The following DNAJA4 variants were observed in gnomAD, a reference collection of about 807,000 sequenced individuals.
The protein encoded by DNAJA4 is dnaJ homolog subfamily A member 4.
A neutral mutation model predicts 39.7 loss-of-function variants in DNAJA4; 32 were observed. The ratio of observed to expected loss-of-function variants is 0.81; its 90% CI spans 0.61 to 1.08. The LOEUF is 1.08. Ranked by LOEUF, DNAJA4 falls within the 50% of genes least tolerant of loss-of-function variation. DNAJA4 has a pLI of 0.00. For missense variants in DNAJA4, 439 were observed against 505.1 expected (o/e 0.87, Z 1.25); for synonymous variants, 184 against 182.4 (o/e 1.01, Z -0.07).
chr15:78,278,905 G>A (rs1445837026), intron 5 of DNAJA4, among the ~76,000 whole-genome samples: 8 of 139,346 alleles, frequency 5.7e-5, no homozygotes, highest in African/African-American at 2.2e-4. Flanking sequence ...TCCTGACCTC[G>A]TGATCCGCCC....
chr15:78,275,170 C>T, intron 4 of DNAJA4: 1 of 327,996 alleles, frequency 3.0e-6, no homozygotes, highest in Non-Finnish European at 5.7e-6. Context: ...AAGTCATGCA[C>T]CCTGTGCCCC....
chr15:78,264,424 C>T (rs946395281), upstream of DNAJA4: 2 of 1,359,368 alleles, frequency 1.5e-6, no homozygotes, highest in Non-Finnish European at 1.9e-6. Context: ...GGACGGGCGT[C>T]GGGGGTCTGG....
At chr15:78,271,076 A>AAAT (rs2049282652) in intron 2 of DNAJA4, among the ~76,000 whole-genome samples, 2 of 151,698 alleles carry the variant, frequency 1.3e-5, no homozygotes, top group Non-Finnish European at 2.9e-5. Context: ...CAAACAAAAA[A>AAAT]CCCCACCAGG....
At chr15:78,271,921 G>A (rs896244997) in intron 2 of DNAJA4, among the ~76,000 whole-genome samples, 3 of 152,170 alleles carry the variant, frequency 2.0e-5, no homozygotes, top group Non-Finnish European at 4.4e-5. Flanking sequence ...AGCTGCACTT[G>A]TTATCACATT....
chr15:78,276,778 G>A (rs1329292590), intron 5 of DNAJA4, among the ~76,000 whole-genome samples: 1 of 152,232 alleles, frequency 6.6e-6, no homozygotes, highest in Non-Finnish European at 1.5e-5. Flanking sequence ...CAGGCAGGGA[G>A]GTAACCACCA....
intron 5 of DNAJA4, among the ~76,000 whole-genome samples, chr15:78,278,944 C>T (rs1202301121): frequency 2.0e-5 from 3 of 147,278 alleles, no homozygotes; most frequent in African/African-American, 7.6e-5. Context: ...GCTGGGATTA[C>T]AGGCGTGAGC....
At position 78,275,526 on chromosome 15, in the gene DNAJA4, T is replaced by C. The variant is rs199939846; in HGVS notation, c.675T>C (p.Phe225=). The C allele has an allele frequency of 3.1e-6, 5 of 1,613,992 alleles. No homozygotes were observed. The East Asian group carries it at 1.1e-4, about 36-fold the overall frequency. Residue 225 remains phenylalanine (F), a synonymous_variant, in exon 5 of 7, where the codon TTT becomes TTC. Coordinates refer to ENST00000394852, the MANE Select transcript of DNAJA4 (RefSeq NM_001130182.2). Reference sequence around the variant, plus strand: ...TGAAAGATGGGCAAAAGATACTATTTCATGGAGAAGGAGATCAGGAGCCTG... The same window carrying C: ...TGAAAGATGGGCAAAAGATACTATTCCATGGAGAAGGAGATCAGGAGCCTG... ...KGMKDGQKIL[F]HGEGDQEPEL...
At chr15:78,265,098 A>G (rs529717202) in intron 1 of DNAJA4, among the ~76,000 whole-genome samples, 1 of 152,222 alleles carries the variant, frequency 6.6e-6, no homozygotes, top group South Asian at 2.1e-4. Flanking sequence ...CCCGCGGAGG[A>G]GGCATGTGGT....
Position 78,264,880 on chromosome 15 carries a change from G to A in DNAJA4, c.117G>A (p.Pro39=). The change falls in exon 1 of 7, where the codon CCG becomes CCA. Residue 39 remains proline (P), a synonymous_variant. Transcript: ENST00000394852. ...TCAAGTACCACCCGGACAAGAACCC[G>A]GATGAGGGCGAGAAGGTGCGGGGCG... ...LALKYHPDKN[P]DEGEKFKLIS... The A allele has an allele frequency of 1.2e-6, 2 of 1,600,996 alleles. No homozygotes were observed. The highest frequency in any genetic ancestry group is 4.5e-5 in the East Asian group (2 of 43,986).
At chr15:78,275,004 C>T in intron 4 of DNAJA4, 1 of 174,240 alleles carries the variant, frequency 5.7e-6, no homozygotes, top group Admixed American at 5.5e-5. Context: ...TATCCTAGAT[C>T]AGAGATGAGA....
In DNAJA4 at chr15:78,270,656, C is replaced by G. The variant is rs779468072; in HGVS notation, c.292C>G (p.Arg98Gly). The change falls in exon 2 of 7, where the codon CGG (arginine) becomes GGG (glycine). Residue 98 changes from arginine (R) to glycine (G), a missense_variant. Physicochemically the swap from Arg to Gly is moderately radical, Grantham distance 125. Transcript: ENST00000394852. ...TGACATGTTCTTTGGTGGTGGTGGA[C>G]GGATGGCTAGAGAGAGAAGAGGTAA... is the stretch of plus-strand genomic sequence containing the variant. ...IFDMFFGGGGRMARERRGKNV... is the reference protein window; with the variant it reads ...IFDMFFGGGGGMARERRGKNV... The G allele has an allele frequency of 6.2e-7, 1 of 1,613,620 alleles. No individual in the cohort carries two copies.
rs2049064927 is a variant in DNAJA4, at chr15:78,264,627, C to T, written c.-137C>T. ...GCGGGGGGCGGGCGGGAGCTACAAG[C>T]GGCGGCGGCGGCGGCGACCGTGACC... is the stretch of plus-strand genomic sequence containing the variant. On this transcript the variant is annotated 5_prime_UTR_variant, in exon 1 of 7. Transcript: ENST00000394852. 2.0e-6 allele frequency: 2 copies of T among 988,022 alleles called. No individual in the cohort carries two copies. The highest frequency in any genetic ancestry group is 9.2e-5 in the South Asian group (2 of 21,664). 61.2% of individuals were successfully genotyped at this position (988,022 alleles called of 1,614,324 possible).
At chr15:78,271,319 G>A (rs960390952) in intron 2 of DNAJA4, among the ~76,000 whole-genome samples, 3 of 152,216 alleles carry the variant, frequency 2.0e-5, no homozygotes, top group African/African-American at 7.2e-5. Flanking sequence ...AGATGACGCC[G>A]CCTGTGGTTG....
upstream of DNAJA4, chr15:78,264,406 G>A: frequency 5.8e-6 from 8 of 1,377,728 alleles, no homozygotes; most frequent in Non-Finnish European, 7.5e-6. Context: ...GAGCGGCTGG[G>A]CCGCGCCGGA....
upstream of DNAJA4, chr15:78,264,486 T>C: frequency 1.6e-6 from 2 of 1,254,174 alleles, no homozygotes; most frequent in Non-Finnish European, 2.0e-6. Flanking sequence ...TTCTAGGCCT[T>C]TGTGGCGTCA....
chr15:78,271,861 G>A (rs926504523), intron 2 of DNAJA4, among the ~76,000 whole-genome samples: 23 of 152,160 alleles, frequency 1.5e-4, no homozygotes, highest in African/African-American at 5.3e-4. Flanking sequence ...GCTCTGCCTT[G>A]GGGTTTAAGA....
At chr15:78,271,169 A>G (rs1302106592) in intron 2 of DNAJA4, among the ~76,000 whole-genome samples, 1 of 152,164 alleles carries the variant, frequency 6.6e-6, no homozygotes, top group Non-Finnish European at 1.5e-5. Flanking sequence ...ACTCTTGGTA[A>G]ATTTAGTAAT....
intron 5 of DNAJA4, chr15:78,278,425 A>T: frequency 2.5e-6 from 1 of 394,300 alleles, no homozygotes; most frequent in Non-Finnish European, 5.1e-6. Context: ...ACTCACACAG[A>T]CCTAGATAGC....
rs2049264090 is a variant in DNAJA4 at position 78,270,534 on chromosome 15, A to G, written c.170A>G (p.Asp57Gly). 6.2e-7 allele frequency: 1 copy of G among 1,614,192 alleles called. No individual in the cohort carries two copies. Among genetic ancestry groups the G allele is most frequent in the Non-Finnish European group, 8.5e-7 (1 of 1,180,032 alleles). Reference sequence around the variant, plus strand: ...TCCCAGGCATATGAAGTGCTTTCAGATCCAAAGAAAAGGGATGTTTATGAC... The same window carrying G: ...TCCCAGGCATATGAAGTGCTTTCAGGTCCAAAGAAAAGGGATGTTTATGAC... The part of the protein sequence containing the change: ...LISQAYEVLS[D>G]PKKRDVYDQG... Residue 57 changes from aspartate (D) to glycine (G), a missense_variant, in exon 2 of 7, where the codon GAT becomes GGT. Transcript: ENST00000394852.
Sources: gnomAD v4.1 joint callset for allele counts (sites outside exome capture counted in the v4.1 genomes callset) on GRCh38, gnomAD v4.1.1 for gene constraint, MANE v1.5 for transcripts, NCBI Gene and HGNC (gene_info 2026-07-23, HGNC 2026-07-21) for gene names.